The following SLC12A1 variants were observed in gnomAD, a reference collection of about 807,000 sequenced individuals.
SLC12A1 encodes solute carrier family 12 member 1, also known as Na-K-2Cl cotransporter.
In SLC12A1, 89 loss-of-function variants were observed where a neutral mutation model predicts 130.4. That is an observed-to-expected ratio of 0.68 (90% CI 0.58 to 0.81). The LOEUF (loss-of-function observed/expected upper bound fraction) is 0.81. Ranked by LOEUF, SLC12A1 falls within the 40% of genes least tolerant of loss-of-function variation. The pLI is 0.00. For missense variants in SLC12A1, 1,310 were observed against 1,336.4 expected (o/e 0.98, Z 0.31); for synonymous variants, 499 against 460.0 (o/e 1.08, Z -1.09).
At chr15:48,220,220 C>T (rs765151741) in intron 2 of SLC12A1, among the ~76,000 whole-genome samples, 1 of 151,212 alleles carries the variant, frequency 6.6e-6, no homozygotes, top group Non-Finnish European at 1.5e-5. Flanking sequence ...AAAAGAAGCA[C>T]AGATCCTCTA....
At chr15:48,251,374 A>C (rs36115145) in intron 14 of SLC12A1, among the ~76,000 whole-genome samples, 193 of 151,932 alleles carry the variant, frequency 1.3e-3, no homozygotes, top group African/African-American at 4.6e-3. Context: ...GAGGGTCCTG[A>C]ATGGCATATT....
chr15:48,262,053 T>C lies in SLC12A1; in HGVS notation c.2154+2742T>C, dbSNP rs190584640. On this transcript the variant is annotated intron_variant, in intron 17 of 26. Coordinates refer to ENST00000380993, the MANE Select transcript of SLC12A1 (RefSeq NM_000338.3). ...TGTGATATTGTTATTGTCAATATCA[T>C]TATTTTTGGTATGCTATAGTTGCCA... Among the ~76,000 whole-genome samples, 743 of 152,352 alleles carry C rather than the reference T, an allele frequency of 4.9e-3. 8 individuals are homozygous for C. The highest frequency in any genetic ancestry group is 0.044 in the Middle Eastern group (13 of 294).
In SLC12A1 at chr15:48,299,097, T is replaced by G. The variant is rs1368411645; in HGVS notation, c.2961-43T>G. The G allele has an allele frequency of 4.5e-6, 7 of 1,557,386 alleles. No individual in the cohort carries two copies. In the Admixed American group the frequency reaches 1.0e-4, roughly 22 times the overall value. On this transcript the variant is annotated intron_variant, in intron 24 of 26. Coordinates refer to ENST00000380993, the MANE Select transcript of SLC12A1 (RefSeq NM_000338.3). ...CCTGGAGTATCTGTGAAATAATGAG[T>G]TAGTTTCCCACTGTGAGGCCTCCTT...
chr15:48,254,735 C>G (rs1161281211), intron 15 of SLC12A1, among the ~76,000 whole-genome samples: 1 of 149,040 alleles, frequency 6.7e-6, no homozygotes, highest in Non-Finnish European at 1.5e-5. Flanking sequence ...TCCTGGCTAA[C>G]ACGGTGAAAC....
intron 9 of SLC12A1, among the ~76,000 whole-genome samples, chr15:48,236,092 AACACACACAC>A (rs56371843): frequency 0.018 from 2,679 of 145,320 alleles, 56 homozygotes; most frequent in African/African-American, 0.053. Flanking sequence ...AGCCATTTCT[AACACACACAC>A]ACACACACAC....
intron 23 of SLC12A1, among the ~76,000 whole-genome samples, chr15:48,291,260 A>G (rs2042117176): frequency 6.7e-6 from 1 of 150,250 alleles, no homozygotes; most frequent in Non-Finnish European, 1.5e-5. Context: ...ATATATATAT[A>G]TATGTGAGGT....
intron 17 of SLC12A1, among the ~76,000 whole-genome samples, chr15:48,260,490 G>C (rs963711748): frequency 6.6e-6 from 1 of 151,984 alleles, no homozygotes; most frequent in African/African-American, 2.4e-5. Context: ...TCTTATTGGA[G>C]CCACACAATA....
chr15:48,236,134 C>T (rs1054680765), intron 9 of SLC12A1, among the ~76,000 whole-genome samples: 24 of 140,046 alleles, frequency 1.7e-4, no homozygotes, highest in African/African-American at 5.5e-4. Flanking sequence ...CACACACACA[C>T]GCAAAGTAGA....
At chr15:48,207,217 T>A (rs1318975807) in intron 1 of SLC12A1, among the ~76,000 whole-genome samples, 1 of 152,240 alleles carries the variant, frequency 6.6e-6, no homozygotes, top group Non-Finnish European at 1.5e-5. Context: ...TCATCAGCTC[T>A]TACTGTATTC....
At position 48,234,881 on chromosome 15, in the gene SLC12A1, A is replaced by G. The variant is rs1273607175; in HGVS notation, c.1092A>G (p.Ser364=). 1.9e-6 allele frequency: 3 copies of G among 1,613,902 alleles called. No individual in the cohort carries two copies. In the Admixed American group the frequency reaches 5.0e-5, roughly 27 times the overall value. ...KSRGFFNYQA[S]IFAENFGPRF... The stretch of plus-strand genomic sequence containing the variant: ...TTCTTATAATTTATGTTGCAGCATC[A>G]ATATTTGCAGAAAACTTTGGGCCAC... Residue 364 remains serine (S), a synonymous_variant, in exon 9 of 27, where the codon TCA becomes TCG. Coordinates refer to ENST00000380993, the MANE Select transcript of SLC12A1 (RefSeq NM_000338.3).
At chr15:48,281,143 G>T (rs2042005276) in intron 20 of SLC12A1, among the ~76,000 whole-genome samples, 1 of 152,160 alleles carries the variant, frequency 6.6e-6, no homozygotes, top group African/African-American at 2.4e-5. Flanking sequence ...TTTTGTCTGT[G>T]TGATGTTGGT....
chr15:48,249,080 G>C (rs955975459), intron 13 of SLC12A1, among the ~76,000 whole-genome samples: 13 of 152,096 alleles, frequency 8.5e-5, no homozygotes, highest in Admixed American at 6.6e-5. Context: ...AGCCTTCAGA[G>C]GTAGAACTCT....
intron 23 of SLC12A1, among the ~76,000 whole-genome samples, chr15:48,290,420 T>C (rs888128917): frequency 6.6e-6 from 1 of 152,224 alleles, no homozygotes; most frequent in Non-Finnish European, 1.5e-5. Flanking sequence ...AGGTATAGTA[T>C]GTAAACACAT....
At chr15:48,261,637 T>C (rs768765862) in intron 17 of SLC12A1, among the ~76,000 whole-genome samples, 2 of 152,160 alleles carry the variant, frequency 1.3e-5, no homozygotes, top group Non-Finnish European at 2.9e-5. Context: ...AAGAAACAGA[T>C]GGAAGGGGAT....
chr15:48,266,358 A>T (rs1023887296), intron 17 of SLC12A1, among the ~76,000 whole-genome samples: 1 of 152,128 alleles, frequency 6.6e-6, no homozygotes, highest in Non-Finnish European at 1.5e-5. Flanking sequence ...TCCTCATTTT[A>T]AGGATAAGAT....
intron 4 of SLC12A1, chr15:48,223,891 CTTAGTTAGCTTCT>C (rs954240640): frequency 6.6e-6 from 1 of 152,238 alleles, no homozygotes; most frequent in Non-Finnish European, 1.5e-5. Context: ...GCAGCCTGTG[CTTAGTTAGCTTCT>C]TCCCACTCCA....
At chr15:48,225,827 C>T in intron 4 of SLC12A1, 1 of 852,014 alleles carries the variant, frequency 1.2e-6, no homozygotes, top group Non-Finnish European at 1.4e-6. Flanking sequence ...CATTTAATAC[C>T]TTTATTTTTC....
intron 2 of SLC12A1, among the ~76,000 whole-genome samples, chr15:48,215,203 T>G (rs2141010115): frequency 6.6e-6 from 1 of 152,216 alleles, no homozygotes; most frequent in African/African-American, 2.4e-5. Flanking sequence ...AAAAATCACA[T>G]TACATATTAA....
intron 16 of SLC12A1, among the ~76,000 whole-genome samples, chr15:48,257,345 T>C (rs2041719517): frequency 1.3e-5 from 2 of 152,158 alleles, no homozygotes. Flanking sequence ...TAGAGGACTG[T>C]GGTCCTCTTC....
Sources: allele counts gnomAD v4.1 joint callset (sites outside exome capture counted in the v4.1 genomes callset), GRCh38; gene constraint gnomAD v4.1.1; transcripts MANE v1.5; gene names NCBI Gene and HGNC (gene_info 2026-07-23, HGNC 2026-07-21).